The following RAD51B variants were observed in gnomAD, a reference collection of about 807,000 sequenced individuals.
RAD51B encodes RAD51 paralog B.
In RAD51B, 38 loss-of-function variants were observed where a neutral mutation model predicts 42.2. The ratio of observed to expected loss-of-function variants is 0.90; its 90% confidence interval spans 0.70 to 1.18. The LOEUF (loss-of-function observed/expected upper bound fraction) is 1.18, where lower values mean the gene tolerates loss of function less well. Among genes scored for constraint, RAD51B ranks in the 50% most tolerant of loss-of-function variants. The pLI is 0.00. For missense variants in RAD51B, 373 were observed against 400.7 expected (o/e 0.93, Z 0.59); for synonymous variants, 154 against 145.2 (o/e 1.06, Z -0.43).
chr14:67,874,671 G>T (rs1472683606), intron 5 of RAD51B, among the ~76,000 whole-genome samples: 1 of 150,550 alleles, frequency 6.6e-6, no homozygotes, highest in African/African-American at 2.4e-5. Context: ...TTTTTTTGTT[G>T]TTTTTTTTTA....
intron 7 of RAD51B, among the ~76,000 whole-genome samples, chr14:68,085,858 T>C (rs1003173178): frequency 2.0e-5 from 3 of 152,186 alleles, no homozygotes; most frequent in African/African-American, 7.2e-5. Context: ...AGTGTCCTGC[T>C]GCTCAAACCT....
chr14:68,382,706 G>A (rs2083505227), intron 8 of RAD51B, among the ~76,000 whole-genome samples: 1 of 152,102 alleles, frequency 6.6e-6, no homozygotes, highest in South Asian at 2.1e-4. Flanking sequence ...CTTTAACTCA[G>A]ACCAACCATT....
At chr14:68,287,604 G>GTGTT (rs1451653626) in intron 7 of RAD51B, among the ~76,000 whole-genome samples, 2 of 152,218 alleles carry the variant, frequency 1.3e-5, no homozygotes, top group East Asian at 3.9e-4. Flanking sequence ...GGTGTGTTGC[G>GTGTT]TGTTTTCAAT....
intron 7 of RAD51B, among the ~76,000 whole-genome samples, chr14:68,115,283 A>G (rs1190018406): frequency 1.5e-4 from 20 of 129,202 alleles, no homozygotes; most frequent in East Asian, 4.3e-4. Context: ...TTCTCAGTAA[A>G]CTATCACAAG....
chr14:68,398,522 G>A (rs1039878383), intron 8 of RAD51B, among the ~76,000 whole-genome samples: 3 of 152,112 alleles, frequency 2.0e-5, no homozygotes, highest in African/African-American at 7.2e-5. Flanking sequence ...ACCTGGGCCC[G>A]GTAACCAGCC....
chr14:68,663,431 G>A (rs913019528), intron 11 of RAD51B, among the ~76,000 whole-genome samples: 4 of 152,098 alleles, frequency 2.6e-5, no homozygotes, highest in Non-Finnish European at 4.4e-5. Context: ...TGTATCTAAG[G>A]CCATAGCCCC....
chr14:68,146,641 A>G (rs540736891), intron 7 of RAD51B, among the ~76,000 whole-genome samples: 75 of 152,284 alleles, frequency 4.9e-4, no homozygotes, highest in African/African-American at 1.6e-3. Context: ...GTTAAGTGCA[A>G]TTAGAAAGAG....
At chr14:68,303,238 G>A (rs1315074344) in intron 8 of RAD51B, among the ~76,000 whole-genome samples, 9 of 151,998 alleles carry the variant, frequency 5.9e-5, no homozygotes, top group East Asian at 1.9e-4. Flanking sequence ...ACCAAACACC[G>A]CATGTTCTCA....
chr14:68,146,939 A>G (rs772865821), intron 7 of RAD51B, among the ~76,000 whole-genome samples: 3 of 152,182 alleles, frequency 2.0e-5, no homozygotes, highest in Admixed American at 6.5e-5. Context: ...GGGATATTGG[A>G]TAATCAAATA....
Position 68,264,457 on chromosome 14 carries a change from G to T in RAD51B, c.757-27427G>T, listed in dbSNP as rs75552635. Reference sequence around the variant, plus strand: ...AAGTTTTCTGAGTAGCTAGTGTTTTGAATGGCATGGGGTTTGTGACAAGAT... The same window carrying T: ...AAGTTTTCTGAGTAGCTAGTGTTTTTAATGGCATGGGGTTTGTGACAAGAT... On this transcript the variant is annotated intron_variant, in intron 7 of 10. Transcript: ENST00000471583. Among the ~76,000 whole-genome samples the T allele has an allele frequency of 9.5e-3, 1,446 of 152,324 alleles. 26 individuals carry two copies. The highest frequency in any genetic ancestry group is 0.056 in the East Asian group (292 of 5,186).
chr14:67,995,686 C>T (rs2075370923), intron 7 of RAD51B, among the ~76,000 whole-genome samples: 1 of 151,270 alleles, frequency 6.6e-6, no homozygotes, highest in Non-Finnish European at 1.5e-5. Flanking sequence ...GGCGCAATCT[C>T]AGCTCACTGC....
At chr14:68,188,789 A>G (rs890697484) in intron 7 of RAD51B, among the ~76,000 whole-genome samples, 3 of 152,144 alleles carry the variant, frequency 2.0e-5, no homozygotes, top group Non-Finnish European at 2.9e-5. Flanking sequence ...ATCCAAATTT[A>G]TTCTCTTAGT....
At chr14:68,259,221 G>A (rs1410219093) in intron 7 of RAD51B, among the ~76,000 whole-genome samples, 1 of 145,442 alleles carries the variant, frequency 6.9e-6, no homozygotes, top group Non-Finnish European at 1.5e-5. Context: ...AAGGGAGGAT[G>A]ATTTAAAAGC....
intron 7 of RAD51B, among the ~76,000 whole-genome samples, chr14:68,015,626 G>A (rs1395265762): frequency 6.6e-6 from 1 of 152,122 alleles, no homozygotes; most frequent in Admixed American, 6.5e-5. Context: ...CATGAGAACA[G>A]CATGGGAAAA....
intron 10 of RAD51B, among the ~76,000 whole-genome samples, chr14:68,488,387 A>G (rs1437945011): frequency 1.3e-5 from 2 of 152,120 alleles, no homozygotes; most frequent in Non-Finnish European, 2.9e-5. Flanking sequence ...CATTCTGACC[A>G]AACTTGAGTC....
At chr14:68,221,114 A>G (rs1566738564) in intron 7 of RAD51B, among the ~76,000 whole-genome samples, 1 of 152,168 alleles carries the variant, frequency 6.6e-6, no homozygotes, top group East Asian at 1.9e-4. Flanking sequence ...GAAAATGACC[A>G]TACTGCCAAA....
chr14:67,902,185 C>T (rs2043635088), intron 7 of RAD51B, among the ~76,000 whole-genome samples: 1 of 151,872 alleles, frequency 6.6e-6, no homozygotes, highest in African/African-American at 2.4e-5. Flanking sequence ...AAGTTGCTAC[C>T]TCATAAGGCT....
At chr14:68,594,305 GA>G (rs1890889207) in intron 10 of RAD51B, among the ~76,000 whole-genome samples, 1 of 152,204 alleles carries the variant, frequency 6.6e-6, no homozygotes, top group South Asian at 2.1e-4. Flanking sequence ...GTGCACACAC[GA>G]ATACTTCTTC....
intron 7 of RAD51B, among the ~76,000 whole-genome samples, chr14:67,938,423 G>A (rs2045036124): frequency 2.6e-5 from 4 of 152,224 alleles, no homozygotes; most frequent in African/African-American, 4.8e-5. Context: ...CGATTTTGAA[G>A]TGACAGTAAT....
Sources: allele counts gnomAD v4.1 joint callset (sites outside exome capture counted in the v4.1 genomes callset), GRCh38; gene constraint gnomAD v4.1.1; transcripts MANE v1.5; gene names NCBI Gene and HGNC (gene_info 2026-07-23, HGNC 2026-07-21).